SLC36A1: variants seen among roughly 807,000 people sequenced by gnomAD.
SLC36A1 encodes the protein proton-coupled amino acid transporter 1.
A neutral mutation model predicts 47.5 loss-of-function variants in SLC36A1; 30 were observed. The observed-to-expected ratio is 0.63, with a 90% CI of 0.47 to 0.86. The LOEUF (loss-of-function observed/expected upper bound fraction) is 0.86. Ranked by LOEUF, SLC36A1 falls within the 40% of genes least tolerant of loss-of-function variation. SLC36A1 has a pLI of 0.00. For missense variants in SLC36A1, 517 were observed against 606.0 expected, an observed-to-expected ratio of 0.85 and a Z score of 1.54; for synonymous variants, 255 against 249.7, an observed-to-expected ratio of 1.02 and a Z score of -0.20.
rs947498713 is a variant in SLC36A1 at position 151,465,157 on chromosome 5, C to T, written c.407C>T (p.Ala136Val). ...CCCTGCTCCTGGCTCCGGAACCACGCACACTGGGGAAGGTAACTGATTTCC... is the reference window on the plus strand; with the variant it reads ...CCCTGCTCCTGGCTCCGGAACCACGTACACTGGGGAAGGTAACTGATTTCC... ...SSPCSWLRNH[A>V]HWGRRVVDFF... Residue 136 changes from alanine (A) to valine (V), a missense_variant, in exon 5 of 11, where the codon GCA becomes GTA. Coordinates refer to ENST00000243389, the MANE Select transcript of SLC36A1 (RefSeq NM_078483.4). 1.2e-6 allele frequency: 2 copies of T among 1,613,770 alleles called. No homozygotes were observed. The highest frequency in any genetic ancestry group is 1.7e-6 in the Non-Finnish European group (2 of 1,179,634).
At chr5:151,393,922 T>G in the SLC36A1 span, among the ~76,000 whole-genome samples, 1 of 152,250 alleles carries the variant, frequency 6.6e-6, no homozygotes, top group African/African-American at 2.4e-5. Context: ...TGGCATTCAC[T>G]GTATTTCCTG....
At chr5:151,399,084 A>ATATATATATATTTTT in the SLC36A1 span, among the ~76,000 whole-genome samples, 41 of 60,028 alleles carry the variant, frequency 6.8e-4, no homozygotes, top group Non-Finnish European at 9.7e-4. Flanking sequence ...ATATATATAT[A>ATATATATATATTTTT]TTTTTTTTTT....
At chr5:151,440,627 G>A (rs1043389064) in intron 1 of SLC36A1, among the ~76,000 whole-genome samples, 2 of 151,808 alleles carry the variant, frequency 1.3e-5, no homozygotes, top group African/African-American at 2.4e-5. Flanking sequence ...AATGCAAAAG[G>A]ATTAATTTCC....
rs1168533415 is a variant in SLC36A1 at position 151,455,571 on chromosome 5, G to T, written c.-5-3217G>T. On this transcript the variant is annotated intron_variant, in intron 1 of 10. Coordinates refer to ENST00000243389, the MANE Select transcript of SLC36A1 (RefSeq NM_078483.4). The stretch of plus-strand genomic sequence containing the variant: ...AAGTAGACAACAGAGAGGTTTCTCG[G>T]TTGCTAGGGAAGGATTGGGCAATTA... Among the ~76,000 whole-genome samples the T allele has an allele frequency of 3.3e-5, 5 of 152,052 alleles. No individual in the cohort carries two copies. The East Asian group carries it at 9.6e-4, about 29-fold the overall frequency.
At chr5:151,399,065 A>AATATATATATATATATATATATAT in the SLC36A1 span, among the ~76,000 whole-genome samples, 15 of 66,602 alleles carry the variant, frequency 2.3e-4, no homozygotes, top group Admixed American at 5.3e-4. Flanking sequence ...TGTGTGTGTA[A>AATATATATATATATATATATATAT]ATATATATAT....
the SLC36A1 span, among the ~76,000 whole-genome samples, chr5:151,370,268 C>T: frequency 2.6e-5 from 4 of 152,218 alleles, no homozygotes; most frequent in African/African-American, 9.7e-5. Flanking sequence ...ATATGATCAT[C>T]CCACCACAGA....
At chr5:151,500,561 T>G in the SLC36A1 span, among the ~76,000 whole-genome samples, 1 of 152,140 alleles carries the variant, frequency 6.6e-6, no homozygotes, top group African/African-American at 2.4e-5. Flanking sequence ...AGAGACGGGG[T>G]TTCACCATGT....
At position 151,473,664 on chromosome 5, in the gene SLC36A1, G is replaced by A. The variant is rs776768886; in HGVS notation, c.724-9G>A. The stretch of plus-strand genomic sequence containing the variant: ...TTTGTTTTGCTTTGTTTTGCTTTCT[G>A]TCTTTCAGAGGATCCCAGACCCCAG... On this transcript the variant is annotated splice_polypyrimidine_tract_variant and intron_variant, in intron 7 of 10. Transcript: ENST00000243389. The A allele has an allele frequency of 6.3e-7, 1 of 1,581,940 alleles. No individual in the cohort carries two copies.
chr5:151,372,694 T>C, the SLC36A1 span, among the ~76,000 whole-genome samples: 2 of 152,142 alleles, frequency 1.3e-5, no homozygotes, highest in South Asian at 4.1e-4. Context: ...GCAGTCCTTC[T>C]ACCTTGGCCT....
the SLC36A1 span, among the ~76,000 whole-genome samples, chr5:151,542,007 ACT>A: frequency 6.6e-6 from 1 of 152,188 alleles, no homozygotes. Context: ...TTAGAGTATG[ACT>A]CATGTAAAAT....
chr5:151,543,643 A>G, the SLC36A1 span: 27 of 1,614,072 alleles, frequency 1.7e-5, no homozygotes, highest in African/African-American at 2.7e-4. Flanking sequence ...GGTTCCAACC[A>G]TTGCATTCTC....
At chr5:151,483,520 G>C (rs1194387933) in intron 10 of SLC36A1, among the ~76,000 whole-genome samples, 3 of 144,658 alleles carry the variant, frequency 2.1e-5, no homozygotes, top group Admixed American at 2.0e-4. Context: ...GTGTGTGTGG[G>C]GGGGGTGATT....
chr5:151,440,488 GAGA>G (rs1752560082), intron 1 of SLC36A1, among the ~76,000 whole-genome samples: 1 of 151,776 alleles, frequency 6.6e-6, no homozygotes. Flanking sequence ...CTCAAAAAGA[GAGA>G]AGGAGAGGGA....
chr5:151,447,361 A>T (rs908137705), upstream of SLC36A1, among the ~76,000 whole-genome samples: 1 of 152,236 alleles, frequency 6.6e-6, no homozygotes, highest in Non-Finnish European at 1.5e-5. Flanking sequence ...TATTTCACAA[A>T]CCCACAACTC....
At chr5:151,420,359 G>A in the SLC36A1 span, among the ~76,000 whole-genome samples, 3 of 152,122 alleles carry the variant, frequency 2.0e-5, no homozygotes, top group East Asian at 1.9e-4. Context: ...GGCGGGCAGG[G>A]CACTTTTCCG....
chr5:151,500,315 C>G, the SLC36A1 span, among the ~76,000 whole-genome samples: 22,297 of 152,132 alleles, frequency 0.15, 1,999 homozygotes, highest in Non-Finnish European at 0.21. Flanking sequence ...TTATCTGTGC[C>G]TCGGTTTCTC....
At chr5:151,393,267 C>T in the SLC36A1 span, among the ~76,000 whole-genome samples, 75,122 of 151,612 alleles carry the variant, frequency 0.5, 20,595 homozygotes, top group African/African-American at 0.75. Flanking sequence ...AGTTCTTCCT[C>T]CATCCCTTTA....
At chr5:151,544,896 T>A in the SLC36A1 span, 50 of 1,614,026 alleles carry the variant, frequency 3.1e-5, no homozygotes, top group Non-Finnish European at 4.2e-5. Flanking sequence ...CTTGGATGAT[T>A]GTGTAATAGG....
At chr5:151,375,442 A>T in the SLC36A1 span, among the ~76,000 whole-genome samples, 2 of 152,102 alleles carry the variant, frequency 1.3e-5, no homozygotes, top group African/African-American at 4.8e-5. Context: ...TACCAGTGTC[A>T]TGCTGTTTTG....
Sources: gnomAD v4.1 joint callset for allele counts (sites outside exome capture counted in the v4.1 genomes callset) on GRCh38, gnomAD v4.1.1 for gene constraint, MANE v1.5 for transcripts, NCBI Gene and HGNC (gene_info 2026-07-23, HGNC 2026-07-21) for gene names.